KTN1: variants seen among roughly 807,000 people sequenced by gnomAD.
KTN1 encodes kinectin.
In KTN1, 130 loss-of-function variants were observed where a neutral mutation model predicts 222.5. That is an observed-to-expected ratio of 0.58 (90% CI 0.51 to 0.68). The LOEUF (loss-of-function observed/expected upper bound fraction) is 0.68. KTN1 is among the 30% of genes least tolerant of loss of function. KTN1 has a pLI of 0.00. For synonymous variants in KTN1, 512 were observed against 496.3 expected, an observed-to-expected ratio of 1.03 and a Z score of -0.42; for missense variants, 1,508 against 1,500.4, an observed-to-expected ratio of 1.01 and a Z score of -0.08.
chr14:55,619,737 C>T (rs1013752682), intron 5 of KTN1, among the ~76,000 whole-genome samples: 2 of 152,018 alleles, frequency 1.3e-5, no homozygotes, highest in African/African-American at 2.4e-5. Flanking sequence ...AATTATGTCC[C>T]ACCAGGTCCC....
At chr14:55,641,015 A>G (rs183691391) in intron 16 of KTN1, 45 bp downstream of exon 16, 91 of 1,547,358 alleles carry the variant, frequency 5.9e-5, no homozygotes, top group Admixed American at 3.0e-4. Flanking sequence ...ATTTATGTTT[A>G]ATTATAATTG....
rs370982885 is a variant in KTN1 at position 55,634,674 on chromosome 14, C to T, written c.1461+16C>T. 3.1e-6 allele frequency: 5 copies of T among 1,600,496 alleles called. No individual in the cohort carries two copies. In the African/African-American group the frequency reaches 6.8e-5, roughly 22 times the overall value. Reference sequence around the variant, plus strand: ...TCAGTTGAAGGTGATATATTCTCACCTTTATTTGTCATTTCATGAATAATA... The same window carrying T: ...TCAGTTGAAGGTGATATATTCTCACTTTTATTTGTCATTTCATGAATAATA... On this transcript the variant is annotated intron_variant, in intron 9 of 43. Transcript: ENST00000395314.
intron 1 of KTN1, among the ~76,000 whole-genome samples, chr14:55,592,501 A>G (rs1431864895): frequency 1.3e-5 from 2 of 152,230 alleles, no homozygotes; most frequent in East Asian, 1.9e-4. Context: ...ATGGAGCAGG[A>G]TGGTGAAACC....
At chr14:55,588,820 T>C (rs1193887794) in intron 1 of KTN1, among the ~76,000 whole-genome samples, 2 of 152,272 alleles carry the variant, frequency 1.3e-5, no homozygotes, top group Non-Finnish European at 2.9e-5. Flanking sequence ...TGTGTATATT[T>C]TATGGTAGTA....
At chr14:55,646,733 C>A (rs1187882304) in intron 18 of KTN1, among the ~76,000 whole-genome samples, 2 of 151,710 alleles carry the variant, frequency 1.3e-5, no homozygotes, top group African/African-American at 4.8e-5. Context: ...TCATAAGATA[C>A]TAATTCATTT....
At chr14:55,581,022 G>A (rs528341880) in intron 1 of KTN1, among the ~76,000 whole-genome samples, 1 of 152,362 alleles carries the variant, frequency 6.6e-6, no homozygotes, top group Non-Finnish European at 1.5e-5. Context: ...TCTCGACACC[G>A]GCGAAGTTAT....
chr14:55,638,533 C>A (rs544739829), intron 12 of KTN1, among the ~76,000 whole-genome samples: 1 of 151,634 alleles, frequency 6.6e-6, no homozygotes, highest in Admixed American at 6.6e-5. Context: ...TTTTAAGGTT[C>A]GGAGAAGTTC....
chr14:55,624,563 A>ATT (rs1343787143), intron 5 of KTN1, among the ~76,000 whole-genome samples: 2 of 152,210 alleles, frequency 1.3e-5, no homozygotes, highest in Non-Finnish European at 1.5e-5. Flanking sequence ...GGAGTAGAAG[A>ATT]AAGGCTACAA....
At chr14:55,605,482 G>A (rs2036593402) in intron 1 of KTN1, among the ~76,000 whole-genome samples, 1 of 152,172 alleles carries the variant, frequency 6.6e-6, no homozygotes, top group South Asian at 2.1e-4. Flanking sequence ...GTCCACCAAA[G>A]AGGTTATGCA....
chr14:55,591,500 C>T (rs1053502047), intron 1 of KTN1, among the ~76,000 whole-genome samples: 8 of 151,516 alleles, frequency 5.3e-5, no homozygotes, highest in Non-Finnish European at 8.8e-5. Flanking sequence ...CTTCCCTATA[C>T]ATGATAATGG....
At chr14:55,679,754 A>C (rs1200311819) in intron 43 of KTN1, 69 bp downstream of exon 43, 10 of 1,452,392 alleles carry the variant, frequency 6.9e-6, no homozygotes, top group Non-Finnish European at 9.6e-6. Flanking sequence ...GTGTATTTAC[A>C]TAAATAAACT....
At chr14:55,659,862 T>C (rs535437610) in intron 31 of KTN1, among the ~76,000 whole-genome samples, 159 bp downstream of exon 31, 1 of 152,344 alleles carries the variant, frequency 6.6e-6, no homozygotes, top group East Asian at 1.9e-4. Flanking sequence ...GTAGTACCTT[T>C]GGCTAAGATG....
Position 55,580,233 on chromosome 14 carries a change from C to G in KTN1, c.-152C>G, listed in dbSNP as rs1223388892. 6.6e-6 allele frequency: 1 copy of G among 150,582 alleles called. No homozygotes were observed. Among genetic ancestry groups the G allele is most frequent in the Non-Finnish European group, 1.5e-5 (1 of 68,554 alleles). The allele number at this position is 150,582 out of a possible 1,614,324, so 9.3% of individuals were successfully genotyped here. A position where few individuals can be genotyped will look rare whatever the true frequency, so the allele number is the denominator to read the frequency against. ...AAGCCGCCCGTTTCCTGCCGAGCGG[C>G]GCGACGGCACCTGAGCGACTGCGGC... On this transcript the variant is annotated 5_prime_UTR_variant, in exon 1 of 44. Transcript: ENST00000395314.
At chr14:55,590,756 A>G (rs2033960894) in intron 1 of KTN1, among the ~76,000 whole-genome samples, 1 of 151,390 alleles carries the variant, frequency 6.6e-6, no homozygotes, top group African/African-American at 2.4e-5. Context: ...GCTGACTGCA[A>G]CCGCTGCCTC....
At chr14:55,612,651 A>G in intron 2 of KTN1, 80 bp downstream of exon 2, 1 of 1,147,886 alleles carries the variant, frequency 8.7e-7, no homozygotes, top group Non-Finnish European at 1.2e-6. Context: ...AGGTACATAC[A>G]CAGAATGTTT....
In KTN1 at chr14:55,678,378, G is replaced by A; in HGVS notation, c.3882G>A (p.Gln1294=). The A allele has an allele frequency of 6.2e-7, 1 of 1,611,426 alleles. No individual in the cohort carries two copies. The highest frequency in any genetic ancestry group is 8.5e-7 in the Non-Finnish European group (1 of 1,177,652). The part of the protein sequence containing the change: ...HKAQQSLELI[Q]SKIVKAAGDT... ...CTCAACAGTCACTGGAGCTTATCCA[G>A]TCAAAAATAGTAAAAGCTGCTGGAG... is the stretch of plus-strand genomic sequence containing the variant. Residue 1294 remains glutamine, a synonymous_variant, in exon 42 of 44, where the codon CAG becomes CAA. Transcript: ENST00000395314.
chr14:55,618,217 A>C, intron 4 of KTN1, 83 bp downstream of exon 4: 2 of 1,005,224 alleles, frequency 2.0e-6, no homozygotes, highest in South Asian at 2.0e-5. Context: ...TCATTTTCTC[A>C]TAGAAACAAT....
chr14:55,648,811 A>G lies in KTN1; in HGVS notation c.2308A>G (p.Thr770Ala), dbSNP rs1460904166. The change falls in exon 21 of 44, where the codon ACA becomes GCA. Residue 770 changes from threonine (T) to alanine (A), a missense_variant. Thr to Ala is a moderately conservative substitution (Grantham distance 58). Transcript: ENST00000395314. ...TKEEELNAIR[T>A]ENSSLTKEVQ... ...TGTGTCTTTGAAAAAGGCAATAAGAACAGAAAATTCATCTCTGACAAAAGA... is the reference window on the plus strand; with the variant it reads ...TGTGTCTTTGAAAAAGGCAATAAGAGCAGAAAATTCATCTCTGACAAAAGA... 1 of 1,602,428 alleles carries G rather than the reference A, an allele frequency of 6.2e-7. No individual in the cohort carries two copies. Among genetic ancestry groups the G allele is most frequent in the Admixed American group, 1.7e-5 (1 of 59,646 alleles).
chr14:55,636,432 C>T lies in KTN1; in HGVS notation c.1462-17C>T, dbSNP rs763695663. 6.0e-5 allele frequency: 95 copies of T among 1,578,674 alleles called. No homozygotes were observed. The Middle Eastern group carries it at 8.3e-4, about 14-fold the overall frequency. On this transcript the variant is annotated splice_polypyrimidine_tract_variant and intron_variant, in intron 9 of 43. Coordinates refer to ENST00000395314, the MANE Select transcript of KTN1 (RefSeq NM_001079521.2). ...TGTTTGTGCTAATTTATCCTTTCTC[C>T]CTTTTAAAATACCAAGGTTCAACTA...
Sources: allele counts gnomAD v4.1 joint callset (sites outside exome capture counted in the v4.1 genomes callset), GRCh38; gene constraint gnomAD v4.1.1; transcripts MANE v1.5; gene names NCBI Gene and HGNC (gene_info 2026-07-23, HGNC 2026-07-21).